TRPC4: variants seen among roughly 807,000 people sequenced by gnomAD.
The protein encoded by TRPC4 is short transient receptor potential channel 4.
In TRPC4, 49 loss-of-function variants were observed where a neutral mutation model predicts 99.4. The ratio of observed to expected loss-of-function variants is 0.49; its 90% CI spans 0.39 to 0.63. The LOEUF (loss-of-function observed/expected upper bound fraction) is 0.63, where lower values mean the gene tolerates loss of function less well. Among genes scored for constraint, TRPC4 ranks in the 20% least tolerant of loss-of-function variants. The pLI, the probability that TRPC4 is intolerant of heterozygous loss-of-function variation, is 0.00. For synonymous variants in TRPC4, 454 were observed against 425.9 expected (o/e 1.07, Z -0.81); for missense variants, 898 against 1,152.9 (o/e 0.78, Z 3.20).
At chr13:37,650,612 T>TACACACACACACACAC (rs57068516) in intron 8 of TRPC4, among the ~76,000 whole-genome samples, 7,791 of 140,058 alleles carry the variant, frequency 0.056, 308 homozygotes, top group Middle Eastern at 0.16. Flanking sequence ...TCTCTCTCTA[T>TACACACACACACACAC]ACACACACAC....
rs778889977 is a variant in TRPC4, at chr13:37,639,238, A to G, written c.2121+20T>C. The G allele has an allele frequency of 8.1e-6, 13 of 1,613,462 alleles. No individual in the cohort carries two copies. Among genetic ancestry groups the G allele is most frequent in the African/African-American group, 2.7e-5 (2 of 74,902 alleles). On this transcript the variant is annotated intron_variant, in intron 9 of 10. Transcript: ENST00000379705. ...TTTATTTTAGTGAAAATTTCAAGACATAGTACAAGGACAACTTACTTGGTA... is the reference window on the plus strand; with the variant it reads ...TTTATTTTAGTGAAAATTTCAAGACGTAGTACAAGGACAACTTACTTGGTA...
intron 3 of TRPC4, among the ~76,000 whole-genome samples, chr13:37,729,449 A>G (rs1165661781): frequency 6.6e-6 from 1 of 152,064 alleles, no homozygotes; most frequent in East Asian, 1.9e-4. Context: ...AAAAAAATAC[A>G]ATTACTATAT....
chr13:37,857,681 C>T lies in TRPC4; in HGVS notation c.-28+11914G>A, dbSNP rs190806641. ...CACACTGGAGAAAGGACAGTCTTTT[C>T]AATAATGATACTGGGAAACTGGATA... On this transcript the variant is annotated intron_variant, in intron 1 of 10. Transcript: ENST00000379705. Among the ~76,000 whole-genome samples the T allele has an allele frequency of 3.7e-4, 56 of 151,568 alleles. No homozygotes were observed. The East Asian group carries it at 8.3e-3, about 23-fold the overall frequency.
chr13:37,684,089 C>T (rs1399970672), intron 4 of TRPC4, among the ~76,000 whole-genome samples: 2 of 152,144 alleles, frequency 1.3e-5, no homozygotes, highest in Non-Finnish European at 2.9e-5. Context: ...TGAAATTTGA[C>T]TTCCAGAATT....
chr13:37,848,808 G>T (rs1958980244), intron 1 of TRPC4, among the ~76,000 whole-genome samples: 1 of 152,146 alleles, frequency 6.6e-6, no homozygotes, highest in African/African-American at 2.4e-5. Flanking sequence ...AGGTATGTGG[G>T]GAGTAAAGAA....
chr13:37,830,081 C>A (rs1222928202), intron 1 of TRPC4, among the ~76,000 whole-genome samples: 1 of 151,954 alleles, frequency 6.6e-6, no homozygotes, highest in African/African-American at 2.4e-5. Context: ...GAGGTCTGTG[C>A]AACATGATGA....
At chr13:37,859,065 T>C (rs1023295177) in intron 1 of TRPC4, among the ~76,000 whole-genome samples, 5 of 151,112 alleles carry the variant, frequency 3.3e-5, no homozygotes, top group African/African-American at 1.2e-4. Flanking sequence ...ACACCTACTA[T>C]GTACACAAAA....
intron 1 of TRPC4, among the ~76,000 whole-genome samples, chr13:37,845,545 G>T (rs1958867835): frequency 6.6e-6 from 1 of 151,910 alleles, no homozygotes; most frequent in Non-Finnish European, 1.5e-5. Context: ...TTCAATAGCA[G>T]ACTTGATCAA....
intron 3 of TRPC4, among the ~76,000 whole-genome samples, chr13:37,737,688 G>T (rs1440005220): frequency 6.6e-6 from 1 of 152,014 alleles, no homozygotes; most frequent in East Asian, 1.9e-4. Context: ...TGCCCAAGCT[G>T]GTCTCCAACT....
chr13:37,660,349 A>G (rs9594224), intron 6 of TRPC4, among the ~76,000 whole-genome samples: 56,657 of 152,018 alleles, frequency 0.37, 11,025 homozygotes, highest in African/African-American at 0.44. Flanking sequence ...GCAGATAAAT[A>G]TCCATAGTTA....
intron 1 of TRPC4, among the ~76,000 whole-genome samples, chr13:37,824,554 T>C (rs1170810380): frequency 2.0e-5 from 3 of 151,862 alleles, no homozygotes; most frequent in Non-Finnish European, 4.4e-5. Flanking sequence ...TCTTTGGTTC[T>C]GTTTATATGC....
At chr13:37,818,446 ACTGGGT>A (rs1175132505) in intron 1 of TRPC4, among the ~76,000 whole-genome samples, 4 of 152,172 alleles carry the variant, frequency 2.6e-5, no homozygotes, top group Non-Finnish European at 2.9e-5. Flanking sequence ...CAATCCCATT[ACTGGGT>A]ATACACCCAA....
intron 1 of TRPC4, among the ~76,000 whole-genome samples, chr13:37,857,509 T>C (rs529607068): frequency 6.6e-6 from 1 of 151,746 alleles, no homozygotes; most frequent in South Asian, 2.1e-4. Flanking sequence ...ATTACTGACT[T>C]TGAATTATAC....
chr13:37,817,308 C>T (rs1957884838), intron 1 of TRPC4, among the ~76,000 whole-genome samples: 1 of 152,018 alleles, frequency 6.6e-6, no homozygotes, highest in Non-Finnish European at 1.5e-5. Flanking sequence ...AGGAATATAG[C>T]TAACCATGGA....
intron 2 of TRPC4, among the ~76,000 whole-genome samples, chr13:37,760,441 A>T (rs1363324317): frequency 1.3e-5 from 2 of 151,948 alleles, no homozygotes; most frequent in Non-Finnish European, 2.9e-5. Flanking sequence ...TAATGGAGGA[A>T]GGGGGAAGGG....
intron 8 of TRPC4, among the ~76,000 whole-genome samples, chr13:37,649,762 AAC>A (rs201356268): frequency 0.023 from 1,427 of 62,988 alleles, 62 homozygotes; most frequent in East Asian, 0.14. Context: ...AAAAAAAAAC[AAC>A]AACAAAGAAC....
intron 1 of TRPC4, among the ~76,000 whole-genome samples, chr13:37,822,720 G>A (rs1223671873): frequency 3.3e-5 from 5 of 152,064 alleles, no homozygotes; most frequent in East Asian, 1.9e-4. Flanking sequence ...GAATAATGCC[G>A]CAATGAACAT....
In TRPC4 at chr13:37,840,553, T is replaced by C. The variant is rs1593297277; in HGVS notation, c.-28+29042A>G. Reference sequence around the variant, plus strand: ...TGTTGATAATTATTTTAGTATTAACTTTAATCATATGAAGTCAACATTTTT... The same window carrying C: ...TGTTGATAATTATTTTAGTATTAACCTTAATCATATGAAGTCAACATTTTT... On this transcript the variant is annotated intron_variant, in intron 1 of 10. Coordinates refer to ENST00000379705, the MANE Select transcript of TRPC4 (RefSeq NM_016179.4). 2.0e-5 allele frequency among the ~76,000 whole-genome samples: 3 copies of C among 152,144 alleles called. No homozygotes were observed. The East Asian group carries it at 5.8e-4, about 29-fold the overall frequency.
intron 1 of TRPC4, among the ~76,000 whole-genome samples, chr13:37,800,171 T>A (rs776716375): frequency 6.6e-6 from 1 of 152,160 alleles, no homozygotes; most frequent in Non-Finnish European, 1.5e-5. Context: ...GCAGATATAA[T>A]TAAAATGTAA....
Sources: gnomAD v4.1 joint callset for allele counts (sites outside exome capture counted in the v4.1 genomes callset) on GRCh38, gnomAD v4.1.1 for gene constraint, MANE v1.5 for transcripts, NCBI Gene and HGNC (gene_info 2026-07-23, HGNC 2026-07-21) for gene names.